VTI1B: variants seen among roughly 807,000 people sequenced by gnomAD.
The protein encoded by VTI1B is vesicle transport through interaction with t-SNAREs 1B, also known as vesicle transport through interaction with t-SNAREs homolog 1B.
In VTI1B, 18 loss-of-function variants were observed where a neutral mutation model predicts 28.6. That is an observed-to-expected ratio of 0.63 (90% CI 0.43 to 0.93). The LOEUF is 0.93. Among genes scored for constraint, VTI1B ranks in the 40% least tolerant of loss-of-function variants. The probability of loss-of-function intolerance (pLI) is 0.00; values close to 1 mark genes in which losing one functional copy is unlikely to be tolerated. For missense variants in VTI1B, 283 were observed against 297.0 expected (o/e 0.95, Z 0.35); for synonymous variants, 100 against 107.9 (o/e 0.93, Z 0.46).
chr14:67,651,664 T>G, intron 5 of VTI1B, 183 bp from the exon 6 acceptor site: 1 of 488,464 alleles, frequency 2.0e-6, no homozygotes, highest in East Asian at 3.8e-5. Flanking sequence ...ACTGTCTACC[T>G]CACAGAAATG....
chr14:67,647,184 T>C lies in VTI1B; in HGVS notation c.*4201A>G. 2 of 542,802 alleles carry C rather than the reference T, an allele frequency of 3.7e-6. No homozygotes were observed. Among genetic ancestry groups the C allele is most frequent in the Non-Finnish European group, 6.5e-6 (2 of 307,754 alleles). The allele number at this position is 542,802 out of a possible 1,614,324, so 33.6% of individuals were successfully genotyped here. The stretch of plus-strand genomic sequence containing the variant: ...GCAAAATTTGAAACACAGGTCATAT[T>C]CTTCCTCTGGGGTTTTTGGGAGGAG... On this transcript the variant is annotated 3_prime_UTR_variant, in exon 6 of 6. Coordinates refer to ENST00000554659, the MANE Select transcript of VTI1B (RefSeq NM_006370.3).
chr14:67,669,456 T>C (rs184392904), intron 1 of VTI1B, among the ~76,000 whole-genome samples: 93 of 150,922 alleles, frequency 6.2e-4, no homozygotes, highest in Middle Eastern at 3.4e-3. Flanking sequence ...TTTGTAGAGA[T>C]AGGTCTCACC....
intron 3 of VTI1B, 140 bp downstream of exon 3, chr14:67,659,591 A>G (rs1011859547): frequency 9.5e-6 from 8 of 840,028 alleles, no homozygotes; most frequent in Middle Eastern, 3.7e-4. Context: ...AACTGGATGC[A>G]GAAAAGAGGA....
At chr14:67,664,159 C>T (rs1218902092) in intron 1 of VTI1B, among the ~76,000 whole-genome samples, 2 of 152,134 alleles carry the variant, frequency 1.3e-5, no homozygotes, top group African/African-American at 4.8e-5. Context: ...ATAAAATTTA[C>T]CATTTTGACC....
rs575805172 is a variant in VTI1B, at chr14:67,669,292, C to T, written c.115+5083G>A. Among the ~76,000 whole-genome samples, 38 of 145,344 alleles carry T rather than the reference C, an allele frequency of 2.6e-4. No homozygotes were observed. The South Asian group carries it at 7.3e-3, about 28-fold the overall frequency. ...ATAATTTTTTTTTTTTTTTTTGAGA[C>T]GGAGTCTTGCTCTGTCACCCAGGTT... On this transcript the variant is annotated intron_variant, in intron 1 of 5. Coordinates refer to ENST00000554659, the MANE Select transcript of VTI1B (RefSeq NM_006370.3).
Position 67,662,864 on chromosome 14 carries a change from T to C in VTI1B, c.116-329A>G, listed in dbSNP as rs193046995. ...GTGGCAATGAGCCGAGATTGCGCCATTGCACTCCAGCCTGGGCAATAGAGC... is the reference window on the plus strand; with the variant it reads ...GTGGCAATGAGCCGAGATTGCGCCACTGCACTCCAGCCTGGGCAATAGAGC... On this transcript the variant is annotated intron_variant, in intron 1 of 5. Coordinates refer to ENST00000554659, the MANE Select transcript of VTI1B (RefSeq NM_006370.3). Among the ~76,000 whole-genome samples the C allele has an allele frequency of 2.0e-3, 298 of 146,316 alleles. 1 individual carries two copies. Among genetic ancestry groups the C allele is most frequent in the Middle Eastern group, 3.7e-3 (1 of 270 alleles).
chr14:67,674,316 T>C (rs1178097208), intron 1 of VTI1B, 59 bp downstream of exon 1: 3 of 1,424,942 alleles, frequency 2.1e-6, no homozygotes, highest in South Asian at 2.6e-5. Flanking sequence ...GGTGGGAGAA[T>C]CTTCCTTCCA....
intron 2 of VTI1B, among the ~76,000 whole-genome samples, chr14:67,662,070 G>A (rs905229545): frequency 1.1e-4 from 16 of 151,746 alleles, no homozygotes; most frequent in South Asian, 1.0e-3. Flanking sequence ...GCAGGAGAAT[G>A]GTGTGAACCC....
chr14:67,667,977 G>A lies in VTI1B; in HGVS notation c.116-5442C>T, dbSNP rs373012979. Among the ~76,000 whole-genome samples the A allele has an allele frequency of 2.4e-4, 36 of 152,086 alleles. 2 individuals are homozygous for A. The highest frequency in any genetic ancestry group is 8.7e-4 in the African/African-American group (36 of 41,434). ...AAAAACAAACAAACAAAAAAAATGA[G>A]GAGTTAGAATAGTTAAAATTCTACA... On this transcript the variant is annotated intron_variant, in intron 1 of 5. Transcript: ENST00000554659.
Position 67,650,507 on chromosome 14 carries a change from C to T in VTI1B, c.*878G>A, listed in dbSNP as rs917763797. 5.1e-6 allele frequency: 3 copies of T among 583,260 alleles called. No individual in the cohort carries two copies. Among genetic ancestry groups the T allele is most frequent in the Non-Finnish European group, 3.1e-6 (1 of 327,328 alleles). The allele number at this position is 583,260 out of a possible 1,614,324, so 36.1% of individuals were successfully genotyped here. On this transcript the variant is annotated 3_prime_UTR_variant, in exon 6 of 6. Coordinates refer to ENST00000554659, the MANE Select transcript of VTI1B (RefSeq NM_006370.3). ...TTTATTTCATTATCTTAAAAGGTTT[C>T]TTTTAATCTACTATAGCACAACAGT...
At chr14:67,663,814 G>A (rs1237810086) in intron 1 of VTI1B, among the ~76,000 whole-genome samples, 1 of 151,996 alleles carries the variant, frequency 6.6e-6, no homozygotes, top group Non-Finnish European at 1.5e-5. Context: ...ACCTTTTCTG[G>A]TTAGTCAGCG....
intron 3 of VTI1B, 33 bp downstream of exon 3, chr14:67,659,696 GGA>G: frequency 1.5e-6 from 2 of 1,369,922 alleles, no homozygotes; most frequent in Non-Finnish European, 9.9e-7. Flanking sequence ...GGCCCTTAAA[GGA>G]AAAAAAAAAC....
chr14:67,658,575 T>C (rs111754994), intron 3 of VTI1B, among the ~76,000 whole-genome samples: 3,511 of 152,204 alleles, frequency 0.023, 145 homozygotes, highest in African/African-American at 0.081. Context: ...CCAGCCTGGG[T>C]GACAGAGCGA....
At chr14:67,668,451 T>A (rs1195040516) in intron 1 of VTI1B, among the ~76,000 whole-genome samples, 3 of 152,254 alleles carry the variant, frequency 2.0e-5, no homozygotes, top group Non-Finnish European at 2.9e-5. Context: ...GAATGGAGAC[T>A]GTACTTTGGA....
chr14:67,661,078 G>T (rs888110323), intron 2 of VTI1B, among the ~76,000 whole-genome samples: 2 of 151,986 alleles, frequency 1.3e-5, no homozygotes, highest in Non-Finnish European at 2.9e-5. Flanking sequence ...TTGAAACACT[G>T]ATCTTCAACA....
chr14:67,668,910 T>C (rs1335451625), intron 1 of VTI1B, among the ~76,000 whole-genome samples: 1 of 152,120 alleles, frequency 6.6e-6, no homozygotes, highest in East Asian at 1.9e-4. Context: ...GTAAATATCA[T>C]AAATGTGGAA....
intron 1 of VTI1B, among the ~76,000 whole-genome samples, chr14:67,668,081 T>C (rs890575379): frequency 6.6e-6 from 1 of 152,182 alleles, no homozygotes; most frequent in Non-Finnish European, 1.5e-5. Context: ...CTGAAAATAA[T>C]AGGGTCTTGT....
chr14:67,672,736 C>A (rs1287839810), intron 1 of VTI1B, among the ~76,000 whole-genome samples: 10 of 152,184 alleles, frequency 6.6e-5, no homozygotes, highest in Admixed American at 5.2e-4. Context: ...AGCCACCGTA[C>A]CCTGCCTGCA....
chr14:67,670,300 C>A (rs978311308), intron 1 of VTI1B, among the ~76,000 whole-genome samples: 6 of 152,076 alleles, frequency 3.9e-5, no homozygotes, highest in Non-Finnish European at 4.4e-5. Context: ...ACACTGAGAT[C>A]CCCTCACAAT....
Sources: gnomAD v4.1 joint callset for allele counts (sites outside exome capture counted in the v4.1 genomes callset) on GRCh38, gnomAD v4.1.1 for gene constraint, MANE v1.5 for transcripts, NCBI Gene and HGNC (gene_info 2026-07-23, HGNC 2026-07-21) for gene names.